The following EFHC2 variants were observed in gnomAD, a reference collection of about 807,000 sequenced individuals.
EFHC2 encodes EF-hand domain-containing family member C2.
A neutral mutation model predicts 52.7 loss-of-function variants in EFHC2; 18 were observed. The ratio of observed to expected loss-of-function variants is 0.34; its 90% CI spans 0.24 to 0.51. The LOEUF is 0.51. EFHC2 is among the 20% of genes least tolerant of loss of function. The pLI, the probability that EFHC2 is intolerant of heterozygous loss-of-function variation, is 0.97. For missense variants in EFHC2, 513 were observed against 562.5 expected, an observed-to-expected ratio of 0.91 and a Z score of 0.89; for synonymous variants, 203 against 204.1, an observed-to-expected ratio of 0.99 and a Z score of 0.04.
At chrX:44,172,537 C>T (rs1226763319) in intron 13 of EFHC2, among the ~76,000 whole-genome samples, 1 of 112,086 alleles carries the variant, frequency 8.9e-6, no homozygotes, top group East Asian at 2.8e-4. Context: ...ATGTCCAGTG[C>T]GTTAGCACAG....
intron 2 of EFHC2, among the ~76,000 whole-genome samples, chrX:44,274,458 T>C (rs1379134114): frequency 2.7e-5 from 3 of 112,445 alleles, no homozygotes; most frequent in Non-Finnish European, 3.8e-5. Context: ...CTTGTGGATA[T>C]GTTAAATGTC....
At chrX:44,159,379 T>A (rs986749288) in intron 14 of EFHC2, among the ~76,000 whole-genome samples, 1 of 111,981 alleles carries the variant, frequency 8.9e-6, no homozygotes, top group Non-Finnish European at 1.9e-5. Flanking sequence ...TTCTACTGTA[T>A]AAACTATTCA....
At chrX:44,280,222 GAATTT>G (rs1443355026) in intron 2 of EFHC2, among the ~76,000 whole-genome samples, 1 of 109,123 alleles carries the variant, frequency 9.2e-6, no homozygotes, top group Non-Finnish European at 1.9e-5. Flanking sequence ...CAAGCAAACA[GAATTT>G]AATAGTCTGT....
Position 44,232,675 on chromosome X carries a change from T to G in EFHC2, c.1426A>C (p.Ile476Leu). The G allele has an allele frequency of 8.4e-7, 1 of 1,187,046 alleles. No individual in the cohort carries two copies. ...CTTTTCAAGAACATCCCACCAGCAATTCCTATAAAAAATAGAAAAGTTCAT... is the reference window on the plus strand; with the variant it reads ...CTTTTCAAGAACATCCCACCAGCAAGTCCTATAAAAAATAGAAAAGTTCAT... ...VFEPIERNSG[I>L]AGGMFLKRSR... is the part of the protein sequence containing the mutation. Residue 476 changes from isoleucine to leucine, a missense_variant and splice_region_variant, in exon 10 of 15, where the codon ATT becomes CTT. By Grantham distance (5) the Ile-to-Leu change is conservative. Coordinates refer to ENST00000420999, the MANE Select transcript of EFHC2 (RefSeq NM_025184.4).
rs367775276 is a variant in EFHC2 at position 44,259,116 on chromosome X, T to C, written c.606+1959A>G. Among the ~76,000 whole-genome samples, 24 of 111,810 alleles carry C rather than the reference T, an allele frequency of 2.1e-4. No homozygotes were observed. The East Asian group carries it at 5.9e-3, about 28-fold the overall frequency. On this transcript the variant is annotated intron_variant, in intron 4 of 14. Transcript: ENST00000420999. The stretch of plus-strand genomic sequence containing the variant: ...CATGCACACGTGTTTATTGCAGCAC[T>C]ATTCACAATAGCAAAGACTTGGAAC...
At chrX:44,282,807 G>C (rs1240012145) in intron 2 of EFHC2, among the ~76,000 whole-genome samples, 1 of 110,863 alleles carries the variant, frequency 9.0e-6, no homozygotes, top group Non-Finnish European at 1.9e-5. Flanking sequence ...AGAAACTGAG[G>C]GTGGAGGGGA....
intron 11 of EFHC2, among the ~76,000 whole-genome samples, chrX:44,217,540 C>CA (rs985759747): frequency 8.7e-4 from 94 of 108,106 alleles, no homozygotes; most frequent in Admixed American, 2.4e-3. Flanking sequence ...ACTATTCAGT[C>CA]AAAAAAAAAG....
chrX:44,254,008 C>A (rs554118677), intron 4 of EFHC2, among the ~76,000 whole-genome samples: 34 of 112,536 alleles, frequency 3.0e-4, no homozygotes, highest in African/African-American at 1.0e-3. Flanking sequence ...GAAACTCCAG[C>A]AGACCTGCAG....
At chrX:44,176,524 A>T (rs1193324071) in intron 12 of EFHC2, 140 bp from the exon 13 acceptor site, 1 of 449,593 alleles carries the variant, frequency 2.2e-6, no homozygotes, top group Non-Finnish European at 3.6e-6. Flanking sequence ...ATTGGAATTC[A>T]CAATAAGGAA....
Position 44,309,463 on chromosome X carries a change from T to C in EFHC2, c.231+3105A>G, listed in dbSNP as rs569214331. 18 of 1,188,699 alleles carry C rather than the reference T, an allele frequency of 1.5e-5. No individual in the cohort carries two copies. The South Asian group carries it at 3.2e-4, about 21-fold the overall frequency. ...AAATGGGCTCTCTACTCCGAAAACC[T>C]TGCTAAAACCCAGTTCCAGCATAAG... On this transcript the variant is annotated intron_variant, in intron 2 of 14. Coordinates refer to ENST00000420999, the MANE Select transcript of EFHC2 (RefSeq NM_025184.4).
At chrX:44,213,373 T>A (rs997599648) in intron 11 of EFHC2, among the ~76,000 whole-genome samples, 1 of 111,509 alleles carries the variant, frequency 9.0e-6, no homozygotes, top group Admixed American at 9.5e-5. Context: ...CAAATATGAG[T>A]GACCAGTGGC....
In EFHC2 at chrX:44,343,536, T is replaced by TTGG. The variant is rs1350401382; in HGVS notation, c.42+10_42+11insCCA. The TTGG allele has an allele frequency of 1.7e-6, 2 of 1,192,630 alleles. No individual in the cohort carries two copies. The highest frequency in any genetic ancestry group is 2.3e-6 in the Non-Finnish European group (2 of 885,930). The stretch of plus-strand genomic sequence containing the variant: ...CCGGGAGCTGTGACCTCGGACGCCC[T>TTGG]TCCTACTCACGTTGCGGTTGAAGCT... On this transcript the variant is annotated intron_variant, in intron 1 of 14. Coordinates refer to ENST00000420999, the MANE Select transcript of EFHC2 (RefSeq NM_025184.4).
At chrX:44,307,536 G>T (rs887075387) in intron 2 of EFHC2, among the ~76,000 whole-genome samples, 2 of 111,783 alleles carry the variant, frequency 1.8e-5, no homozygotes, top group African/African-American at 6.5e-5. Context: ...TTCAAATAGC[G>T]AATACAATTA....
chrX:44,232,442 G>A (rs1284658577), intron 10 of EFHC2, 39 bp downstream of exon 10: 3 of 995,577 alleles, frequency 3.0e-6, no homozygotes, highest in Non-Finnish European at 3.9e-6. Context: ...ACTGCGGAGG[G>A]CTGAGAGGCA....
intron 14 of EFHC2, among the ~76,000 whole-genome samples, chrX:44,159,659 T>C (rs2036635629): frequency 8.9e-6 from 1 of 112,482 alleles, no homozygotes; most frequent in African/African-American, 3.2e-5. Flanking sequence ...ATTTCTAGGC[T>C]TTATCAGCAG....
rs943251442 is a variant in EFHC2, at chrX:44,221,433, C to T, written c.1751+8216G>A. On this transcript the variant is annotated intron_variant, in intron 11 of 14. Transcript: ENST00000420999. ...ATTTGAAATGTTCTCCATACTTATA[C>T]GAAAGTTCATAAAAATAGCTCTTCT... is the stretch of plus-strand genomic sequence containing the variant. Among the ~76,000 whole-genome samples, 5 of 111,833 alleles carry T rather than the reference C, an allele frequency of 4.5e-5. No individual in the cohort carries two copies. In the East Asian group the frequency reaches 1.1e-3, roughly 25 times the overall value.
At chrX:44,150,334 A>G (rs2036560367) in intron 14 of EFHC2, among the ~76,000 whole-genome samples, 1 of 111,774 alleles carries the variant, frequency 8.9e-6, no homozygotes, top group South Asian at 3.7e-4. Context: ...TATTCCAGGC[A>G]TAGGGACCAG....
chrX:44,202,442 A>G (rs2037014185), intron 11 of EFHC2, among the ~76,000 whole-genome samples: 1 of 112,129 alleles, frequency 8.9e-6, no homozygotes, highest in African/African-American at 3.2e-5. Context: ...AACGAAAACA[A>G]TAGCATTCAT....
rs186972151 is a variant in EFHC2 at position 44,317,677 on chromosome X, T to G, written c.43-4921A>C. Among the ~76,000 whole-genome samples the G allele has an allele frequency of 6.8e-4, 77 of 112,810 alleles. 1 individual carries two copies. The highest frequency in any genetic ancestry group is 2.4e-3 in the African/African-American group (76 of 31,129). ...GGTGCATGCGTATAGTCCCAGCTAC[T>G]CGGGAGGCTGAGGTGAAAGGAGCGC... is the stretch of plus-strand genomic sequence containing the variant. On this transcript the variant is annotated intron_variant, in intron 1 of 14. Transcript: ENST00000420999.
Sources: allele counts gnomAD v4.1 joint callset (sites outside exome capture counted in the v4.1 genomes callset), GRCh38; gene constraint gnomAD v4.1.1; transcripts MANE v1.5; gene names NCBI Gene and HGNC (gene_info 2026-07-23, HGNC 2026-07-21).